Variants in NRXN3 observed in about 807,000 individuals in gnomAD.
The protein encoded by NRXN3 is neurexin III.
NRXN3 carries 32 observed loss-of-function variants against 137.6 expected under a neutral mutation model. The ratio of observed to expected loss-of-function variants is 0.23; its 90% CI spans 0.18 to 0.31. The LOEUF (loss-of-function observed/expected upper bound fraction) is 0.31. NRXN3 is among the 10% of genes least tolerant of loss of function. The pLI is 1.00. For synonymous variants in NRXN3, 798 were observed against 784.5 expected, an observed-to-expected ratio of 1.02 and a Z score of -0.29; for missense variants, 1,574 against 2,062.5, an observed-to-expected ratio of 0.76 and a Z score of 4.59.
intron 19 of NRXN3, among the ~76,000 whole-genome samples, chr14:79,709,049 T>G (rs2098792835): frequency 3.3e-5 from 5 of 151,976 alleles, no homozygotes; most frequent in Admixed American, 3.3e-4. Flanking sequence ...TGGAGAACAG[T>G]GCTTCTTAAA....
At chr14:79,146,947 G>A (rs186611234) in intron 15 of NRXN3, among the ~76,000 whole-genome samples, 86 of 152,220 alleles carry the variant, frequency 5.6e-4, no homozygotes, top group African/African-American at 1.8e-3. Context: ...AGCAACAACT[G>A]AGCAATTAAC....
chr14:79,724,359 T>C (rs1449606766), intron 19 of NRXN3, among the ~76,000 whole-genome samples: 2 of 152,140 alleles, frequency 1.3e-5, no homozygotes, highest in Non-Finnish European at 2.9e-5. Context: ...ATACTCTTTG[T>C]AACTAGTCCC....
chr14:79,087,955 G>C (rs1409625201), intron 15 of NRXN3, among the ~76,000 whole-genome samples: 1 of 150,714 alleles, frequency 6.6e-6, no homozygotes, highest in Admixed American at 6.6e-5. Flanking sequence ...GTTGTTTCTG[G>C]TTAAAGCAAC....
intron 4 of NRXN3, among the ~76,000 whole-genome samples, chr14:78,601,951 C>A (rs112335200): frequency 6.6e-6 from 1 of 152,174 alleles, no homozygotes; most frequent in South Asian, 2.1e-4. Context: ...CTTGGAAAGT[C>A]TGGTCATTTC....
At chr14:79,170,326 T>C (rs2061658934) in intron 15 of NRXN3, among the ~76,000 whole-genome samples, 1 of 152,118 alleles carries the variant, frequency 6.6e-6, no homozygotes, top group African/African-American at 2.4e-5. Context: ...AAGTAGTTTT[T>C]AATATGAAAA....
chr14:78,765,097 C>T (rs1305592196), intron 8 of NRXN3, among the ~76,000 whole-genome samples: 1 of 152,134 alleles, frequency 6.6e-6, no homozygotes, highest in Non-Finnish European at 1.5e-5. Flanking sequence ...GAAGAGAGCA[C>T]AGAAAATTTT....
rs553644539 is a variant in NRXN3 at position 78,572,956 on chromosome 14, G to A, written c.758-72164G>A. Reference sequence around the variant, plus strand: ...CACCTTGAATTGTAATAATCCCCATGTATCAAGGGTGAGACTAGGTGGAGA... The same window carrying A: ...CACCTTGAATTGTAATAATCCCCATATATCAAGGGTGAGACTAGGTGGAGA... On this transcript the variant is annotated intron_variant, in intron 4 of 20. Transcript: ENST00000335750. 3.9e-5 allele frequency among the ~76,000 whole-genome samples: 6 copies of A among 152,296 alleles called. No homozygotes were observed. In the South Asian group the frequency reaches 1.2e-3, roughly 32 times the overall value.
At chr14:79,853,234 G>T (rs1185568122) in intron 20 of NRXN3, among the ~76,000 whole-genome samples, 1 of 152,162 alleles carries the variant, frequency 6.6e-6, no homozygotes, top group Non-Finnish European at 1.5e-5. Flanking sequence ...GGGCTGTGTG[G>T]CTGCCGATGA....
intron 4 of NRXN3, among the ~76,000 whole-genome samples, chr14:78,316,520 T>G (rs1266529254): frequency 6.6e-6 from 1 of 152,174 alleles, no homozygotes; most frequent in African/African-American, 2.4e-5. Flanking sequence ...TGTTTGTTTG[T>G]TTTTTTCCTT....
chr14:79,266,673 G>A (rs924249914), intron 15 of NRXN3, among the ~76,000 whole-genome samples: 3 of 152,138 alleles, frequency 2.0e-5, no homozygotes, highest in African/African-American at 7.2e-5. Flanking sequence ...CAAGAATGGC[G>A]TAAATGTTCT....
At chr14:78,551,134 T>C (rs940329863) in intron 4 of NRXN3, among the ~76,000 whole-genome samples, 18 of 152,198 alleles carry the variant, frequency 1.2e-4, no homozygotes, top group African/African-American at 4.1e-4. Flanking sequence ...TGAATAGCAT[T>C]TAATGCTCAG....
chr14:78,261,432 G>A (rs1032839596), intron 2 of NRXN3, among the ~76,000 whole-genome samples: 8 of 152,112 alleles, frequency 5.3e-5, no homozygotes, highest in African/African-American at 1.2e-4. Flanking sequence ...GATCTAGAAC[G>A]ATGCTTGGGC....
chr14:79,449,770 A>G (rs923824637), intron 15 of NRXN3, among the ~76,000 whole-genome samples: 5 of 152,062 alleles, frequency 3.3e-5, no homozygotes, highest in Admixed American at 1.3e-4. Context: ...CGGGCGGATC[A>G]CCTGAGGTCA....
At chr14:79,454,585 T>G (rs914438362) in intron 15 of NRXN3, among the ~76,000 whole-genome samples, 3 of 152,250 alleles carry the variant, frequency 2.0e-5, no homozygotes, top group African/African-American at 7.2e-5. Context: ...TTTAATGCTT[T>G]ATTTTCCTAG....
intron 16 of NRXN3, among the ~76,000 whole-genome samples, chr14:79,593,517 G>C (rs11844042): frequency 0.35 from 52,519 of 151,380 alleles, 9,727 homozygotes; most frequent in African/African-American, 0.47. Flanking sequence ...TGTAGTCCCA[G>C]GTACTCGGGA....
intron 17 of NRXN3, among the ~76,000 whole-genome samples, chr14:79,680,838 C>A (rs1156672794): frequency 6.6e-6 from 1 of 152,122 alleles, no homozygotes; most frequent in Non-Finnish European, 1.5e-5. Flanking sequence ...CTCCACTCCT[C>A]ATCCAAAGAG....
intron 8 of NRXN3, among the ~76,000 whole-genome samples, chr14:78,726,161 CT>C (rs762626901): frequency 6.6e-6 from 1 of 152,116 alleles, no homozygotes; most frequent in Admixed American, 6.6e-5. Flanking sequence ...ACTGAAGTCC[CT>C]TTTTTGAAAC....
intron 20 of NRXN3, among the ~76,000 whole-genome samples, chr14:79,851,291 A>G (rs1252095450): frequency 6.6e-6 from 1 of 152,152 alleles, no homozygotes; most frequent in Non-Finnish European, 1.5e-5. Context: ...TCTTAATTCA[A>G]TGTTAAAAGT....
chr14:78,362,366 A>G (rs1180811732), intron 4 of NRXN3, among the ~76,000 whole-genome samples: 2 of 151,930 alleles, frequency 1.3e-5, no homozygotes, highest in African/African-American at 4.8e-5. Flanking sequence ...GGAACTAGAG[A>G]TACGCATATC....
Sources: allele counts gnomAD v4.1 joint callset (sites outside exome capture counted in the v4.1 genomes callset), GRCh38; gene constraint gnomAD v4.1.1; transcripts MANE v1.5; gene names NCBI Gene and HGNC (gene_info 2026-07-23, HGNC 2026-07-21).